FBXW7: variants seen among roughly 807,000 people sequenced by gnomAD.
FBXW7 encodes F-box/WD repeat-containing protein 7.
Under a neutral mutation model 86.3 loss-of-function variants are expected in FBXW7, and 11 were observed. The ratio of observed to expected loss-of-function variants is 0.13; its 90% CI spans 0.08 to 0.21. FBXW7 has a LOEUF of 0.21. Ranked by LOEUF, FBXW7 falls within the 10% of genes least tolerant of loss-of-function variation. The pLI, the probability that FBXW7 is intolerant of heterozygous loss-of-function variation, is 1.00. For synonymous variants in FBXW7, 313 were observed against 297.9 expected, an observed-to-expected ratio of 1.05 and a Z score of -0.52; for missense variants, 488 against 847.4, an observed-to-expected ratio of 0.58 and a Z score of 5.27.
intron 2 of FBXW7, among the ~76,000 whole-genome samples, chr4:152,443,200 T>C (rs2126990843): frequency 6.6e-6 from 1 of 152,182 alleles, no homozygotes; most frequent in East Asian, 1.9e-4. Flanking sequence ...AGGCGGAGGT[T>C]GTGGTGAGCC....
intron 7 of FBXW7, among the ~76,000 whole-genome samples, chr4:152,334,635 T>C (rs868413554): frequency 6.6e-6 from 1 of 152,318 alleles, no homozygotes; most frequent in Middle Eastern, 3.4e-3. Flanking sequence ...CAGAGCAGCT[T>C]AGATTTCAAA....
chr4:152,500,098 G>A (rs991256086), intron 2 of FBXW7, among the ~76,000 whole-genome samples: 5 of 152,166 alleles, frequency 3.3e-5, no homozygotes, highest in Non-Finnish European at 5.9e-5. Flanking sequence ...TGCTGGCACT[G>A]CCCTCAAAGT....
chr4:152,422,661 C>A (rs1379898194), intron 2 of FBXW7, among the ~76,000 whole-genome samples: 4 of 152,076 alleles, frequency 2.6e-5, no homozygotes, highest in Admixed American at 6.6e-5. Context: ...AAACTTTATA[C>A]CTTAGCATAT....
intron 2 of FBXW7, among the ~76,000 whole-genome samples, chr4:152,466,887 A>T (rs1276931966): frequency 6.6e-6 from 1 of 152,170 alleles, no homozygotes; most frequent in African/African-American, 2.4e-5. Flanking sequence ...GCTGGCAGTG[A>T]GCTGAGATCG....
intron 2 of FBXW7, among the ~76,000 whole-genome samples, chr4:152,442,914 C>T (rs1741034017): frequency 6.6e-6 from 1 of 152,294 alleles, no homozygotes; most frequent in African/African-American, 2.4e-5. Context: ...AACGCTAAAA[C>T]AAAGCTCATA....
At chr4:152,456,539 A>G (rs983816955) in intron 2 of FBXW7, among the ~76,000 whole-genome samples, 1 of 152,196 alleles carries the variant, frequency 6.6e-6, no homozygotes, top group Non-Finnish European at 1.5e-5. Context: ...CTTACTCAAA[A>G]TAAATAAATC....
intron 4 of FBXW7, among the ~76,000 whole-genome samples, chr4:152,372,474 C>T (rs564782903): frequency 1.3e-4 from 20 of 152,016 alleles, no homozygotes; most frequent in African/African-American, 4.6e-4. Context: ...GTTTCTCCAG[C>T]AAAATATATG....
At chr4:152,358,038 T>C (rs1732568203) in intron 4 of FBXW7, among the ~76,000 whole-genome samples, 1 of 152,148 alleles carries the variant, frequency 6.6e-6, no homozygotes, top group Non-Finnish European at 1.5e-5. Flanking sequence ...GTTTACTGAT[T>C]TATCCAGAAA....
At chr4:152,344,483 CT>C (rs1329419364) in intron 6 of FBXW7, among the ~76,000 whole-genome samples, 1 of 151,666 alleles carries the variant, frequency 6.6e-6, no homozygotes, top group East Asian at 1.9e-4. Context: ...GCACCTACTC[CT>C]TTTACAGGAC....
chr4:152,461,116 C>G (rs756464094), intron 2 of FBXW7, among the ~76,000 whole-genome samples: 1 of 152,058 alleles, frequency 6.6e-6, no homozygotes. Flanking sequence ...GAGACCCTGT[C>G]TCTACTAAAA....
rs1456589146 is a variant in FBXW7, at chr4:152,322,783, G to A, written c.*98C>T. ...CAACATCCTGCACCACTGAGAACAA[G>A]GGATTTTTTTCTTTTTCTTTTCTTT... On this transcript the variant is annotated 3_prime_UTR_variant, in exon 14 of 14. Transcript: ENST00000281708. 7 of 1,540,662 alleles carry A rather than the reference G, an allele frequency of 4.5e-6. No individual in the cohort carries two copies. Among genetic ancestry groups the A allele is most frequent in the Non-Finnish European group, 6.1e-6 (7 of 1,148,278 alleles).
Position 152,418,155 on chromosome 4 carries a change from A to AC in FBXW7, c.-119-5627dup, listed in dbSNP as rs200283746. Among the ~76,000 whole-genome samples the AC allele has an allele frequency of 4.5e-3, 682 of 152,046 alleles. 13 individuals are homozygous for AC. The East Asian group carries it at 0.046, about 10-fold the overall frequency. ...CACACACACACACACACACACACAC[A>AC]CACACACAAAATCCACTTAGCAGTG... On this transcript the variant is annotated intron_variant, in intron 2 of 13. Transcript: ENST00000281708.
Position 152,416,145 on chromosome 4 carries a change from C to T in FBXW7, c.-119-3616G>A, listed in dbSNP as rs569887125. ...TCATCACTATTATCTCCAGCACCCACAAAAATGCCTGACTCATAAGGCACT... is the reference window on the plus strand; with the variant it reads ...TCATCACTATTATCTCCAGCACCCATAAAAATGCCTGACTCATAAGGCACT... On this transcript the variant is annotated intron_variant, in intron 2 of 13. Coordinates refer to ENST00000281708, the MANE Select transcript of FBXW7 (RefSeq NM_001349798.2). Among the ~76,000 whole-genome samples, 102 of 152,240 alleles carry T rather than the reference C, an allele frequency of 6.7e-4. 1 individual carries two copies. The highest frequency in any genetic ancestry group is 1.1e-3 in the Non-Finnish European group (78 of 68,016).
intron 2 of FBXW7, among the ~76,000 whole-genome samples, chr4:152,443,129 G>A (rs1358262966): frequency 6.6e-6 from 1 of 152,148 alleles, no homozygotes; most frequent in Non-Finnish European, 1.5e-5. Flanking sequence ...GGGCGTGGTG[G>A]TGCATGCCTG....
intron 5 of FBXW7, among the ~76,000 whole-genome samples, chr4:152,348,321 A>G (rs1731468456): frequency 6.6e-6 from 1 of 152,056 alleles, no homozygotes; most frequent in African/African-American, 2.4e-5. Flanking sequence ...GGTAAGTTCT[A>G]TTTTCTTTTC....
rs1156703290 is a variant in FBXW7 at position 152,446,312 on chromosome 4, A to AC, written c.-119-33784dup. 7.2e-3 allele frequency among the ~76,000 whole-genome samples: 373 copies of AC among 52,154 alleles called. 1 individual carries two copies. Among genetic ancestry groups the AC allele is most frequent in the Middle Eastern group, 0.037 (3 of 82 alleles). 34.2% of individuals were successfully genotyped at this position (52,154 alleles called of 152,430 possible). A position where few individuals can be genotyped will look rare whatever the true frequency, so the allele number is the denominator to read the frequency against. The stretch of plus-strand genomic sequence containing the variant: ...CTTAGCAAAAACATGTTACCCACCC[A>AC]CCCCCCCAAAAAAAGACATAAAAAG... On this transcript the variant is annotated intron_variant, in intron 2 of 13. Coordinates refer to ENST00000281708, the MANE Select transcript of FBXW7 (RefSeq NM_001349798.2).
intron 4 of FBXW7, among the ~76,000 whole-genome samples, chr4:152,373,737 A>G (rs1734217970): frequency 6.6e-6 from 1 of 151,970 alleles, no homozygotes; most frequent in Non-Finnish European, 1.5e-5. Flanking sequence ...AGTACTTTGT[A>G]CGTAGGTCCA....
Position 152,493,074 on chromosome 4 carries a change from G to A in FBXW7, c.-120+41867C>T, listed in dbSNP as rs544383601. 1.4e-4 allele frequency among the ~76,000 whole-genome samples: 21 copies of A among 151,726 alleles called. No individual in the cohort carries two copies. In the South Asian group the frequency reaches 4.2e-3, roughly 30 times the overall value. The stretch of plus-strand genomic sequence containing the variant: ...AGAAATTTCTACTTTTAATAACCAA[G>A]CAGAAGAGAAGCCTGTTAAAAAAAG... On this transcript the variant is annotated intron_variant, in intron 2 of 13. Transcript: ENST00000281708.
chr4:152,332,225 C>T (rs192794097), intron 8 of FBXW7, among the ~76,000 whole-genome samples: 1 of 152,144 alleles, frequency 6.6e-6, no homozygotes, highest in East Asian at 1.9e-4. Flanking sequence ...GCTGTATCCC[C>T]CACCTTGAAG....
Sources: gnomAD v4.1 joint callset for allele counts (sites outside exome capture counted in the v4.1 genomes callset) on GRCh38, gnomAD v4.1.1 for gene constraint, MANE v1.5 for transcripts, NCBI Gene and HGNC (gene_info 2026-07-23, HGNC 2026-07-21) for gene names.